Variants in SPAG9 observed in about 807,000 individuals in gnomAD.
SPAG9 encodes C-Jun-amino-terminal kinase-interacting protein 4.
SPAG9 carries 35 observed loss-of-function variants against 166.5 expected under a neutral mutation model. The ratio of observed to expected loss-of-function variants is 0.21; its 90% CI spans 0.16 to 0.28. SPAG9 has a LOEUF of 0.28. SPAG9 is among the 10% of genes least tolerant of loss of function. The pLI is 1.00. For synonymous variants in SPAG9, 534 were observed against 565.5 expected (o/e 0.94, Z 0.79); for missense variants, 1,235 against 1,603.3 (o/e 0.77, Z 3.92).
At chr17:50,969,900 A>C (rs1327697601) in intron 29 of SPAG9, among the ~76,000 whole-genome samples, 1 of 152,182 alleles carries the variant, frequency 6.6e-6, no homozygotes, top group Admixed American at 6.5e-5. Context: ...ATTTTAATTT[A>C]TTAACATGTC....
At chr17:51,051,040 AAAAC>A (rs1355739795) in intron 3 of SPAG9, among the ~76,000 whole-genome samples, 1 of 151,108 alleles carries the variant, frequency 6.6e-6, no homozygotes, top group East Asian at 1.9e-4. Flanking sequence ...AAATAAAAAA[AAAAC>A]AAAAAGAAAA....
At chr17:50,999,640 T>G in intron 14 of SPAG9, 21 bp downstream of exon 14, 2 of 1,601,960 alleles carry the variant, frequency 1.2e-6, no homozygotes, top group Non-Finnish European at 1.7e-6. Flanking sequence ...CTGTCTAACA[T>G]CTTTGTTTTT....
At chr17:51,041,387 C>G in intron 5 of SPAG9, 114 bp downstream of exon 5, 1 of 951,176 alleles carries the variant, frequency 1.1e-6, no homozygotes, top group South Asian at 2.4e-5. Context: ...ATTTTACAAA[C>G]TAAATGTATA....
At chr17:51,110,511 T>G (rs1239344748) in intron 1 of SPAG9, among the ~76,000 whole-genome samples, 1 of 150,550 alleles carries the variant, frequency 6.6e-6, no homozygotes, top group Non-Finnish European at 1.5e-5. Flanking sequence ...GGCAACATGG[T>G]GAAACCCGTC....
rs1033715762 is a variant in SPAG9 at position 51,120,802 on chromosome 17, G to A, written c.-146C>T. ...TGGGGCTGGGCCCGGCGGGGTGGGG[G>A]CCGGGGCCGGAGGAGGGGAGGGGTG... On this transcript the variant is annotated 5_prime_UTR_variant, in exon 1 of 30. Transcript: ENST00000262013. The surrounding 1 kb of genome is among the most constrained non-coding windows in gnomAD (Gnocchi z 4.7). 4 of 553,842 alleles carry A rather than the reference G, an allele frequency of 7.2e-6. No homozygotes were observed. The highest frequency in any genetic ancestry group is 3.7e-5 in the East Asian group (1 of 27,378). 34.3% of individuals were successfully genotyped at this position (553,842 alleles called of 1,614,324 possible).
intron 9 of SPAG9, among the ~76,000 whole-genome samples, chr17:51,013,094 A>C (rs1214873856): frequency 6.6e-6 from 1 of 152,212 alleles, no homozygotes; most frequent in Non-Finnish European, 1.5e-5. Context: ...TCAAGGACAT[A>C]ACTGGCAATC....
At chr17:51,085,959 A>ATTTTTTTT (rs34918673) in intron 1 of SPAG9, among the ~76,000 whole-genome samples, 6 of 88,066 alleles carry the variant, frequency 6.8e-5, no homozygotes, top group Non-Finnish European at 8.5e-5. Context: ...CTTGGAAATC[A>ATTTTTTTT]TTTTTTTTTT....
intron 4 of SPAG9, among the ~76,000 whole-genome samples, chr17:51,043,239 G>C (rs955644771): frequency 6.6e-6 from 1 of 152,026 alleles, no homozygotes; most frequent in Non-Finnish European, 1.5e-5. Context: ...ATGAGCTGCC[G>C]GGACAACCAA....
intron 1 of SPAG9, among the ~76,000 whole-genome samples, chr17:51,114,932 A>G (rs2049240507): frequency 6.6e-6 from 1 of 151,910 alleles, no homozygotes; most frequent in Non-Finnish European, 1.5e-5. Context: ...AGCCTGGGTG[A>G]CAGAGTGAGA....
At chr17:51,083,543 T>TTTTATTTATTTATTTATTTATTTA (rs71149341) in intron 1 of SPAG9, among the ~76,000 whole-genome samples, 11 of 141,108 alleles carry the variant, frequency 7.8e-5, no homozygotes, top group African/African-American at 2.9e-4. Context: ...AGCCTCTTTA[T>TTTTATTTATTTATTTATTTATTTA]TTTATTTATT....
intron 1 of SPAG9, among the ~76,000 whole-genome samples, chr17:51,089,532 C>CA (rs2048391778): frequency 6.9e-6 from 1 of 145,982 alleles, no homozygotes; most frequent in Non-Finnish European, 1.5e-5. Context: ...ACCTGTTCCC[C>CA]AAAAAATATT....
chr17:50,983,566 C>T (rs951037415), intron 24 of SPAG9, among the ~76,000 whole-genome samples: 2 of 152,236 alleles, frequency 1.3e-5, no homozygotes, highest in African/African-American at 2.4e-5. Flanking sequence ...TCTCACTCTT[C>T]AGACATGTCT....
At chr17:50,970,505 G>T (rs111568676) in intron 29 of SPAG9, among the ~76,000 whole-genome samples, 9,448 of 131,106 alleles carry the variant, frequency 0.072, 953 homozygotes, top group African/African-American at 0.24. Flanking sequence ...AGAGTGAGAC[G>T]TCATCTCAAA....
intron 14 of SPAG9, among the ~76,000 whole-genome samples, 196 bp from the exon 15 acceptor site, chr17:50,998,813 G>T (rs544622315): frequency 6.6e-6 from 1 of 152,346 alleles, no homozygotes; most frequent in South Asian, 2.1e-4. Context: ...ATTCAGTGAA[G>T]AGAAACTATT....
At chr17:51,001,921 ATCTT>A in intron 12 of SPAG9, 76 bp from the exon 13 acceptor site, 2 of 1,388,348 alleles carry the variant, frequency 1.4e-6, no homozygotes, top group Non-Finnish European at 2.0e-6. Flanking sequence ...GTTATGCAAA[ATCTT>A]TCAGTTTTTA....
At position 51,103,397 on chromosome 17, in the gene SPAG9, C is replaced by T. The variant is rs549881077; in HGVS notation, c.303+16957G>A. Among the ~76,000 whole-genome samples the T allele has an allele frequency of 2.0e-5, 3 of 152,258 alleles. No individual in the cohort carries two copies. The East Asian group carries it at 5.8e-4, about 29-fold the overall frequency. On this transcript the variant is annotated intron_variant, in intron 1 of 29. Coordinates refer to ENST00000262013, the MANE Select transcript of SPAG9 (RefSeq NM_001130528.3). Reference sequence around the variant, plus strand: ...CCCAAACCACAGTCGGGTGTTAAGGCTTTCCAGAATTGAAACCTGAAAGAT... The same window carrying T: ...CCCAAACCACAGTCGGGTGTTAAGGTTTTCCAGAATTGAAACCTGAAAGAT...
At chr17:50,978,291 C>T (rs565608580) in intron 26 of SPAG9, among the ~76,000 whole-genome samples, 1 of 152,274 alleles carries the variant, frequency 6.6e-6, no homozygotes, top group South Asian at 2.1e-4. Context: ...CTTTAACCTC[C>T]AGTCAAAGTA....
intron 14 of SPAG9, chr17:50,999,351 C>A: frequency 1.4e-6 from 1 of 724,402 alleles, no homozygotes; most frequent in South Asian, 2.3e-5. Context: ...AATGGGGATC[C>A]AGGTCATTTT....
At chr17:51,088,238 A>C (rs1188930935) in intron 1 of SPAG9, among the ~76,000 whole-genome samples, 3 of 152,198 alleles carry the variant, frequency 2.0e-5, no homozygotes, top group African/African-American at 7.2e-5. Flanking sequence ...TAAGCCACAC[A>C]CCTATTCACA....
Sources: allele counts gnomAD v4.1 joint callset (sites outside exome capture counted in the v4.1 genomes callset), GRCh38; gene constraint gnomAD v4.1.1; non-coding constraint Gnocchi (gnomAD v3.1); transcripts MANE v1.5; gene names NCBI Gene and HGNC (gene_info 2026-07-23, HGNC 2026-07-21).